CHCHD6: variants seen among roughly 807,000 people sequenced by gnomAD.
The protein encoded by CHCHD6 is MICOS complex subunit MIC25.
Under a neutral mutation model 32.3 loss-of-function variants are expected in CHCHD6, and 28 were observed. The observed-to-expected ratio is 0.87, with a 90% CI of 0.64 to 1.19. CHCHD6 has a LOEUF of 1.19. Among genes scored for constraint, CHCHD6 ranks in the 50% most tolerant of loss-of-function variants. The pLI, the probability that CHCHD6 is intolerant of heterozygous loss-of-function variation, is 0.00. For synonymous variants in CHCHD6, 122 were observed against 117.5 expected, an observed-to-expected ratio of 1.04 and a Z score of -0.25; for missense variants, 333 against 307.0, an observed-to-expected ratio of 1.08 and a Z score of -0.63.
intron 4 of CHCHD6, among the ~76,000 whole-genome samples, chr3:126,810,684 A>G (rs1338998612): frequency 6.6e-6 from 1 of 152,196 alleles, no homozygotes; most frequent in Admixed American, 6.5e-5. Flanking sequence ...AGATGTTAAC[A>G]TTAGGGGAAA....
At chr3:126,793,366 C>A (rs1027860982) in intron 4 of CHCHD6, among the ~76,000 whole-genome samples, 1 of 151,986 alleles carries the variant, frequency 6.6e-6, no homozygotes, top group Non-Finnish European at 1.5e-5. Flanking sequence ...TAATCAGAAG[C>A]GTTTTGAAAT....
chr3:126,873,592 C>T (rs2077504647), intron 5 of CHCHD6, among the ~76,000 whole-genome samples: 1 of 152,198 alleles, frequency 6.6e-6, no homozygotes, highest in South Asian at 2.1e-4. Context: ...CTGGGGCTGG[C>T]TGGAGTGCCG....
chr3:126,714,700 T>C (rs1934925955), intron 1 of CHCHD6, among the ~76,000 whole-genome samples: 1 of 152,096 alleles, frequency 6.6e-6, no homozygotes, highest in Non-Finnish European at 1.5e-5. Context: ...CTGAGCTGAT[T>C]TTATCTCTTC....
intron 4 of CHCHD6, among the ~76,000 whole-genome samples, chr3:126,844,264 C>T (rs1249183130): frequency 1.3e-5 from 2 of 152,132 alleles, no homozygotes; most frequent in Admixed American, 1.3e-4. Context: ...TCTTCCATAT[C>T]CTTGTTGATT....
At chr3:126,793,751 A>G (rs979542424) in intron 4 of CHCHD6, among the ~76,000 whole-genome samples, 5 of 152,014 alleles carry the variant, frequency 3.3e-5, no homozygotes, top group Admixed American at 3.3e-4. Flanking sequence ...TTTCGTTTCT[A>G]TCTGAATAAC....
chr3:126,953,817 C>T (rs1430272283), intron 6 of CHCHD6, among the ~76,000 whole-genome samples: 4 of 152,142 alleles, frequency 2.6e-5, no homozygotes, highest in Non-Finnish European at 5.9e-5. Flanking sequence ...TATTTCTATC[C>T]CTGGCAAGTT....
rs114435496 is a variant in CHCHD6 at position 126,907,357 on chromosome 3, A to T, written c.496-7323A>T. On this transcript the variant is annotated intron_variant, in intron 5 of 7. Coordinates refer to ENST00000290913, the MANE Select transcript of CHCHD6 (RefSeq NM_032343.3). The stretch of plus-strand genomic sequence containing the variant: ...GCCTCATAAGTTTGCTAAGAACCAG[A>T]TGTGCAGCCACTTAACGAAATTAAA... Among the ~76,000 whole-genome samples the T allele has an allele frequency of 1.7e-3, 264 of 152,340 alleles. 1 individual carries two copies. The highest frequency in any genetic ancestry group is 4.9e-3 in the African/African-American group (202 of 41,592).
intron 6 of CHCHD6, chr3:126,949,923 A>T (rs1279281292): frequency 6.5e-6 from 1 of 154,224 alleles, no homozygotes; most frequent in East Asian, 1.9e-4. Context: ...AAAAGGCTGC[A>T]CAAAACCTTT....
intron 4 of CHCHD6, among the ~76,000 whole-genome samples, chr3:126,806,301 A>G (rs1939374121): frequency 6.6e-6 from 1 of 152,254 alleles, no homozygotes; most frequent in African/African-American, 2.4e-5. Context: ...CACCCTACTC[A>G]TCTGACAAAG....
chr3:126,789,340 A>G (rs1364663566), intron 4 of CHCHD6, among the ~76,000 whole-genome samples: 1 of 151,890 alleles, frequency 6.6e-6, no homozygotes, highest in African/African-American at 2.4e-5. Flanking sequence ...TATTAGGTCC[A>G]CTTGGTGCAG....
chr3:126,794,674 A>G (rs1359764281), intron 4 of CHCHD6, among the ~76,000 whole-genome samples: 1 of 152,132 alleles, frequency 6.6e-6, no homozygotes, highest in Admixed American at 6.5e-5. Flanking sequence ...TGGCAAAATA[A>G]TTTTAACTTG....
intron 5 of CHCHD6, among the ~76,000 whole-genome samples, chr3:126,910,296 C>CAAAAA (rs1576589531): frequency 2.1e-5 from 1 of 46,558 alleles, no homozygotes; most frequent in Non-Finnish European, 6.9e-5. Context: ...ACAAAAAAAA[C>CAAAAA]AAATCTTCCC....
At chr3:126,916,867 G>A (rs570239622) in intron 6 of CHCHD6, among the ~76,000 whole-genome samples, 3 of 152,304 alleles carry the variant, frequency 2.0e-5, no homozygotes, top group East Asian at 1.9e-4. Context: ...TCTCTTACCC[G>A]AGCAGCTTCT....
chr3:126,717,180 A>G (rs1576331162), intron 1 of CHCHD6, among the ~76,000 whole-genome samples: 1 of 152,158 alleles, frequency 6.6e-6, no homozygotes, highest in African/African-American at 2.4e-5. Flanking sequence ...CTCAAGTAGA[A>G]GGTGGGTGTG....
chr3:126,855,808 CAA>C (rs1267774660), intron 5 of CHCHD6, among the ~76,000 whole-genome samples: 2 of 152,264 alleles, frequency 1.3e-5, no homozygotes, highest in Admixed American at 6.5e-5. Flanking sequence ...AGAGCTCAAA[CAA>C]GAGCCTCAGA....
chr3:126,788,993 A>G (rs892976998), intron 4 of CHCHD6, among the ~76,000 whole-genome samples: 1 of 152,156 alleles, frequency 6.6e-6, no homozygotes, highest in Non-Finnish European at 1.5e-5. Flanking sequence ...ACTGCTTTAA[A>G]TGTGTCCCAG....
intron 5 of CHCHD6, among the ~76,000 whole-genome samples, chr3:126,857,187 C>T (rs969791300): frequency 2.0e-5 from 3 of 152,132 alleles, no homozygotes; most frequent in Non-Finnish European, 2.9e-5. Context: ...AGGGAGATGC[C>T]GAGGATTAGG....
At chr3:126,884,930 C>T (rs926507393) in intron 5 of CHCHD6, among the ~76,000 whole-genome samples, 4 of 152,198 alleles carry the variant, frequency 2.6e-5, no homozygotes, top group African/African-American at 4.8e-5. Context: ...CCATTTGTGC[C>T]GGTGGAGGTT....
At chr3:126,727,377 C>G (rs766716836) in intron 2 of CHCHD6, among the ~76,000 whole-genome samples, 191 bp downstream of exon 2, 2 of 152,166 alleles carry the variant, frequency 1.3e-5, no homozygotes, top group African/African-American at 4.8e-5. Context: ...TCAGAGCTGC[C>G]GGGATTCGGG....
Sources: allele counts gnomAD v4.1 joint callset (sites outside exome capture counted in the v4.1 genomes callset), GRCh38; gene constraint gnomAD v4.1.1; transcripts MANE v1.5; gene names NCBI Gene and HGNC (gene_info 2026-07-23, HGNC 2026-07-21).